RNF169: variants seen among roughly 807,000 people sequenced by gnomAD.
The protein encoded by RNF169 is E3 ubiquitin-protein ligase RNF169.
Under a neutral mutation model 53.9 loss-of-function variants are expected in RNF169, and 24 were observed. That is an observed-to-expected ratio of 0.45 (90% CI 0.32 to 0.63). The LOEUF (loss-of-function observed/expected upper bound fraction) is 0.63, where lower values mean the gene tolerates loss of function less well. Among genes scored for constraint, RNF169 ranks in the 20% least tolerant of loss-of-function variants. The pLI, the probability that RNF169 is intolerant of heterozygous loss-of-function variation, is 0.04. For missense variants in RNF169, 883 were observed against 906.2 expected, an observed-to-expected ratio of 0.97 and a Z score of 0.33; for synonymous variants, 396 against 363.5, an observed-to-expected ratio of 1.09 and a Z score of -1.02.
Position 74,836,138 on chromosome 11 carries a change from C to T in RNF169, c.1535C>T (p.Ala512Val). The change falls in exon 6 of 6, where the codon GCA (alanine) becomes GTA (valine). Residue 512 changes from alanine (A) to valine (V), a missense_variant. By Grantham distance (64) the Ala-to-Val change is moderately conservative. This residue lies in a region of RNF169 where 351 missense variants were observed against 337.3 expected (regional missense o/e 1.04). Coordinates refer to ENST00000299563, the MANE Select transcript of RNF169 (RefSeq NM_001098638.2). ...TTCCCCTCTGTTAGCCAAACAAAAGCAGAACAGGACAGTGATAATAAAAGT... is the reference window on the plus strand; with the variant it reads ...TTCCCCTCTGTTAGCCAAACAAAAGTAGAACAGGACAGTGATAATAAAAGT... ...DHFPSVSQTK[A>V]EQDSDNKSST... 6.2e-7 allele frequency: 1 copy of T among 1,614,146 alleles called. No homozygotes were observed. Among genetic ancestry groups the T allele is most frequent in the Non-Finnish European group, 8.5e-7 (1 of 1,180,008 alleles).
At chr11:74,831,239 A>G (rs1367407921) in intron 4 of RNF169, 1 of 152,214 alleles carries the variant, frequency 6.6e-6, no homozygotes, top group African/African-American at 2.4e-5. Flanking sequence ...TTAATCACAA[A>G]AAATCCTAAA....
chr11:74,807,525 A>G (rs1357408370), intron 2 of RNF169, among the ~76,000 whole-genome samples: 1 of 152,176 alleles, frequency 6.6e-6, no homozygotes, highest in Admixed American at 6.5e-5. Flanking sequence ...AGTTGTGCTG[A>G]GGTTGAGAAA....
intron 3 of RNF169, among the ~76,000 whole-genome samples, chr11:74,812,742 G>A (rs1410726786): frequency 6.6e-6 from 1 of 152,112 alleles, no homozygotes; most frequent in African/African-American, 2.4e-5. Context: ...GCTGACCAAA[G>A]GATTATTTTT....
intron 2 of RNF169, among the ~76,000 whole-genome samples, chr11:74,806,850 C>G (rs1172516423): frequency 6.6e-6 from 1 of 151,614 alleles, no homozygotes; most frequent in Non-Finnish European, 1.5e-5. Context: ...GTTTCTTGAT[C>G]TTGGTGGTGG....
At chr11:74,806,683 A>G (rs1225424641) in intron 2 of RNF169, among the ~76,000 whole-genome samples, 1 of 152,244 alleles carries the variant, frequency 6.6e-6, no homozygotes, top group Admixed American at 6.5e-5. Flanking sequence ...GAGTGAAGGC[A>G]GAAAGATTCA....
intron 1 of RNF169, among the ~76,000 whole-genome samples, chr11:74,770,575 C>T (rs1384240676): frequency 2.0e-5 from 3 of 152,292 alleles, no homozygotes; most frequent in South Asian, 2.1e-4. Context: ...TAATGGCTCG[C>T]AGTTCCTCCA....
Position 74,840,990 on chromosome 11 carries a change from A to C in RNF169, c.*4260A>C, listed in dbSNP as rs896937445. ...TTCCTGATTTTTTTCAGTTAGTTAG[A>C]GTTAAATGTACCTATAGCCCCTGAA... On this transcript the variant is annotated 3_prime_UTR_variant, in exon 6 of 6. Coordinates refer to ENST00000299563, the MANE Select transcript of RNF169 (RefSeq NM_001098638.2). 6 of 152,072 alleles carry C rather than the reference A, an allele frequency of 3.9e-5. No individual in the cohort carries two copies. The highest frequency in any genetic ancestry group is 7.2e-5 in the African/African-American group (3 of 41,402). The allele number at this position is 152,072 out of a possible 1,614,324, so 9.4% of individuals were successfully genotyped here. A position where few individuals can be genotyped will look rare whatever the true frequency, so the allele number is the denominator to read the frequency against.
At chr11:74,765,276 T>A (rs1591391027) in intron 1 of RNF169, among the ~76,000 whole-genome samples, 2 of 152,220 alleles carry the variant, frequency 1.3e-5, no homozygotes, top group Admixed American at 6.5e-5. Flanking sequence ...TGTAGAACCA[T>A]ACACTTAAAT....
intron 2 of RNF169, among the ~76,000 whole-genome samples, chr11:74,798,987 G>A (rs1217757371): frequency 6.6e-6 from 1 of 151,082 alleles, no homozygotes. Flanking sequence ...CTGGAAGGTT[G>A]AGGCTGCAGT....
chr11:74,803,844 A>C (rs1162257717), intron 2 of RNF169, among the ~76,000 whole-genome samples: 1 of 152,378 alleles, frequency 6.6e-6, no homozygotes, highest in African/African-American at 2.4e-5. Context: ...TGAGGAAATG[A>C]GCATTATTCA....
chr11:74,802,835 C>G (rs1018030029), intron 2 of RNF169, among the ~76,000 whole-genome samples: 1 of 148,952 alleles, frequency 6.7e-6, no homozygotes, highest in Non-Finnish European at 1.5e-5. Context: ...GAGTGGAAAT[C>G]AAGGATGCAT....
At chr11:74,782,445 G>A (rs1264488500) in intron 1 of RNF169, among the ~76,000 whole-genome samples, 2 of 152,148 alleles carry the variant, frequency 1.3e-5, no homozygotes, top group African/African-American at 4.8e-5. Context: ...GTGCATGCAA[G>A]GGATCTAGGT....
At chr11:74,828,151 C>A (rs920149322) in intron 4 of RNF169, among the ~76,000 whole-genome samples, 2 of 152,156 alleles carry the variant, frequency 1.3e-5, no homozygotes, top group Non-Finnish European at 2.9e-5. Context: ...GATACAAAAT[C>A]ATTGTACAAA....
Position 74,749,196 on chromosome 11 carries a change from T to C in RNF169, c.316T>C (p.Cys106Arg). 1 of 1,147,426 alleles carries C rather than the reference T, an allele frequency of 8.7e-7. No individual in the cohort carries two copies. Among genetic ancestry groups the C allele is most frequent in the Non-Finnish European group, 1.1e-6 (1 of 936,370 alleles). 71.1% of individuals were successfully genotyped at this position (1,147,426 alleles called of 1,614,324 possible). A position where few individuals can be genotyped will look rare whatever the true frequency, so the allele number is the denominator to read the frequency against. ...ADAAGPGCPR[C>R]RARGPGWARR... ...CGCGGCGGGCCCGGGTTGCCCTCGC[T>C]GCCGCGCCCGCGGCCCAGGCTGGGC... The change falls in exon 1 of 6, where the codon TGC becomes CGC. Residue 106 changes from cysteine (C) to arginine (R), a missense_variant. By Grantham distance (180) the Cys-to-Arg change is radical. This residue lies in a region of RNF169 where 313 missense variants were observed against 279.9 expected (regional missense o/e 1.12). Coordinates refer to ENST00000299563, the MANE Select transcript of RNF169 (RefSeq NM_001098638.2).
At chr11:74,759,943 A>C (rs1259612221) in intron 1 of RNF169, among the ~76,000 whole-genome samples, 2 of 149,866 alleles carry the variant, frequency 1.3e-5, no homozygotes, top group Non-Finnish European at 3.0e-5. Context: ...CTGGTCCTGG[A>C]CTCTTTTTGG....
rs750881082 is a variant in RNF169, at chr11:74,810,329, G to T, written c.722G>T (p.Arg241Leu). ...EPLVLKTNLE[R>L]CPARLSDSEN... ...TTAGTACTGAAAACAAATCTGGAAC[G>T]TGTAAGTAAATCACCTTTTTAATGG... is the stretch of plus-strand genomic sequence containing the variant. The change falls in exon 3 of 6, where the codon CGT (arginine) becomes CTT (leucine). Residue 241 changes from arginine (R) to leucine (L), a missense_variant and splice_region_variant. By Grantham distance (102) the Arg-to-Leu change is moderately radical. Transcript: ENST00000299563. The T allele has an allele frequency of 2.5e-6, 4 of 1,612,762 alleles. 1 individual carries two copies. The highest frequency in any genetic ancestry group is 1.7e-5 in the Admixed American group (1 of 59,764).
At chr11:74,835,150 A>G (rs972921298) in intron 5 of RNF169, among the ~76,000 whole-genome samples, 1 of 152,012 alleles carries the variant, frequency 6.6e-6, no homozygotes, top group East Asian at 1.9e-4. Flanking sequence ...TACCTGGGGA[A>G]TTTTTAAATT....
chr11:74,790,126 G>A (rs1182721802), intron 2 of RNF169, among the ~76,000 whole-genome samples: 2 of 152,184 alleles, frequency 1.3e-5, no homozygotes, highest in African/African-American at 4.8e-5. Context: ...GGTCAGTAAG[G>A]AGATAGTGAA....
chr11:74,810,896 T>C (rs768740000), intron 3 of RNF169, among the ~76,000 whole-genome samples: 1 of 152,244 alleles, frequency 6.6e-6, no homozygotes, highest in South Asian at 2.1e-4. Context: ...GGAAGCACTT[T>C]TGGAGGATCC....
Sources: gnomAD v4.1 joint callset for allele counts (sites outside exome capture counted in the v4.1 genomes callset) on GRCh38, gnomAD v4.1.1 for gene constraint, gnomAD v4.1.1 regional missense constraint, MANE v1.5 for transcripts, NCBI Gene and HGNC (gene_info 2026-07-23, HGNC 2026-07-21) for gene names.